RABGAP1: variants seen among roughly 807,000 people sequenced by gnomAD.
RABGAP1 encodes the protein rab GTPase-activating protein 1.
A neutral mutation model predicts 137.6 loss-of-function variants in RABGAP1; 23 were observed. That is an observed-to-expected ratio of 0.17 (90% CI 0.12 to 0.24). The LOEUF (loss-of-function observed/expected upper bound fraction) is 0.24. Among genes scored for constraint, RABGAP1 ranks in the 10% least tolerant of loss-of-function variants. The pLI, the probability that RABGAP1 is intolerant of heterozygous loss-of-function variation, is 1.00. For missense variants in RABGAP1, 906 were observed against 1,275.8 expected (o/e 0.71, Z 4.42); for synonymous variants, 451 against 450.7 (o/e 1.00, Z -0.01).
intron 6 of RABGAP1, among the ~76,000 whole-genome samples, chr9:122,991,343 C>A (rs1002620583): frequency 1.3e-4 from 20 of 152,048 alleles, no homozygotes; most frequent in African/African-American, 4.3e-4. Context: ...CTGTTTCCTC[C>A]ATGACTACCT....
chr9:123,098,057 C>T (rs192323648), intron 22 of RABGAP1, among the ~76,000 whole-genome samples: 148 of 152,244 alleles, frequency 9.7e-4, no homozygotes, highest in African/African-American at 3.2e-3. Context: ...TTTGTTGGGG[C>T]AGGAGAATTT....
At chr9:123,023,698 G>A (rs145428263) in intron 13 of RABGAP1, among the ~76,000 whole-genome samples, 2,196 of 152,044 alleles carry the variant, frequency 0.014, 33 homozygotes, top group South Asian at 0.039. Flanking sequence ...TAGCTATTAT[G>A]AATAAAACTG....
intron 3 of RABGAP1, 112 bp from the exon 4 acceptor site, chr9:122,986,103 A>G: frequency 3.1e-6 from 3 of 954,448 alleles, no homozygotes; most frequent in Non-Finnish European, 4.8e-6. Flanking sequence ...ATATTGTCTC[A>G]TTAATACTTA....
the RABGAP1 span, among the ~76,000 whole-genome samples, chr9:122,932,484 A>C: frequency 6.6e-6 from 1 of 151,832 alleles, no homozygotes; most frequent in Non-Finnish European, 1.5e-5. Context: ...TGTTATTTTC[A>C]TTCATTTCTA....
At chr9:123,056,704 A>G (rs1358249677) in intron 13 of RABGAP1, among the ~76,000 whole-genome samples, 1 of 152,012 alleles carries the variant, frequency 6.6e-6, no homozygotes, top group Non-Finnish European at 1.5e-5. Flanking sequence ...GCTGCCTTCA[A>G]GCATCTGTTT....
rs2034321104 is a variant in RABGAP1, at chr9:123,070,541, A to G, written c.1983+117A>G. The stretch of plus-strand genomic sequence containing the variant: ...GACAGACTCTTAAGGCATGAATTTT[A>G]ACACCTATAGCTGGAAACTTTTTCC... On this transcript the variant is annotated intron_variant, in intron 15 of 25. Coordinates refer to ENST00000373647, the MANE Select transcript of RABGAP1 (RefSeq NM_012197.4). This position sits in a 1 kb window ranked among gnomAD's most constrained non-coding sequence, Gnocchi z 4.4. 20 of 1,501,330 alleles carry G rather than the reference A, an allele frequency of 1.3e-5. No homozygotes were observed. The highest frequency in any genetic ancestry group is 1.8e-5 in the Non-Finnish European group (20 of 1,127,696). The allele number at this position is 1,501,330 out of a possible 1,614,324, so 93.0% of individuals were successfully genotyped here. A position where few individuals can be genotyped will look rare whatever the true frequency, so the allele number is the denominator to read the frequency against.
chr9:123,070,140 G>A lies in RABGAP1; in HGVS notation c.1909-210G>A, dbSNP rs888463854. ...TTTCCTTAATCTTCCCTACTCCTTC[G>A]CCACAGGAAATGCAGTGGTGATAGC... is the stretch of plus-strand genomic sequence containing the variant. On this transcript the variant is annotated intron_variant, in intron 14 of 25. Coordinates refer to ENST00000373647, the MANE Select transcript of RABGAP1 (RefSeq NM_012197.4). The surrounding 1 kb of genome is among the most constrained non-coding windows in gnomAD (Gnocchi z 4.4). 6.6e-6 allele frequency among the ~76,000 whole-genome samples: 1 copy of A among 152,012 alleles called. No individual in the cohort carries two copies. The highest frequency in any genetic ancestry group is 2.4e-5 in the African/African-American group (1 of 41,378).
chr9:123,057,313 G>A (rs1430229530), intron 13 of RABGAP1, among the ~76,000 whole-genome samples: 9 of 144,198 alleles, frequency 6.2e-5, no homozygotes, highest in South Asian at 2.3e-4. Flanking sequence ...GTTGCCGGGC[G>A]GAGGGTCTCC....
At chr9:122,934,021 A>G in the RABGAP1 span, among the ~76,000 whole-genome samples, 1 of 151,706 alleles carries the variant, frequency 6.6e-6, no homozygotes, top group Non-Finnish European at 1.5e-5. Context: ...TTGGTCTCCC[A>G]AAGTACTGCG....
At chr9:122,965,288 A>T (rs1292058729) in intron 2 of RABGAP1, among the ~76,000 whole-genome samples, 1 of 152,182 alleles carries the variant, frequency 6.6e-6, no homozygotes, top group Non-Finnish European at 1.5e-5. Context: ...CTTTAGAGAC[A>T]GAAAATTAGT....
At chr9:122,982,535 C>T (rs889505751) in intron 2 of RABGAP1, among the ~76,000 whole-genome samples, 1 of 152,178 alleles carries the variant, frequency 6.6e-6, no homozygotes, top group African/African-American at 2.4e-5. Flanking sequence ...ATTGCTTCAA[C>T]AGGGAATCTA....
At chr9:123,065,849 G>T (rs2034152785) in intron 14 of RABGAP1, among the ~76,000 whole-genome samples, 1 of 152,182 alleles carries the variant, frequency 6.6e-6, no homozygotes, top group South Asian at 2.1e-4. Context: ...AAGTGTCATT[G>T]CCCATCCAGG....
intron 17 of RABGAP1, among the ~76,000 whole-genome samples, chr9:123,074,865 CTG>C (rs970832023): frequency 6.6e-6 from 1 of 152,168 alleles, no homozygotes; most frequent in African/African-American, 2.4e-5. Flanking sequence ...GGTGCCTCCT[CTG>C]TTTTCAAAAG....
At chr9:122,945,164 A>T (rs1269170864) in intron 1 of RABGAP1, among the ~76,000 whole-genome samples, 12 of 12,872 alleles carry the variant, frequency 9.3e-4, no homozygotes, top group Non-Finnish European at 3.9e-3. Context: ...TTTTTTTTTT[A>T]GCATAAACTG....
rs1338849037 is a variant in RABGAP1 at position 122,996,114 on chromosome 9, G to A, written c.997G>A (p.Val333Met). ...QGIDKKIVIY[V>M]QQTTNKELAI... ...AATTGATAAGAAGATTGTCATCTATGTGCAGCAAACAACTAATAAAGAACT... is the reference window on the plus strand; with the variant it reads ...AATTGATAAGAAGATTGTCATCTATATGCAGCAAACAACTAATAAAGAACT... Residue 333 changes from valine to methionine, a missense_variant, in exon 7 of 26, where the codon GTG (valine) becomes ATG (methionine). By Grantham distance (21) the Val-to-Met change is conservative. Coordinates refer to ENST00000373647, the MANE Select transcript of RABGAP1 (RefSeq NM_012197.4). 1.9e-6 allele frequency: 3 copies of A among 1,613,210 alleles called. No homozygotes were observed. Among genetic ancestry groups the A allele is most frequent in the Non-Finnish European group, 2.5e-6 (3 of 1,179,768 alleles).
At chr9:122,993,758 G>A (rs1328546275) in intron 6 of RABGAP1, among the ~76,000 whole-genome samples, 4 of 152,030 alleles carry the variant, frequency 2.6e-5, no homozygotes, top group Non-Finnish European at 5.9e-5. Flanking sequence ...CTGCCTCCCA[G>A]GTTCAAGTGA....
At position 122,990,136 on chromosome 9, in the gene RABGAP1, C is replaced by A; in HGVS notation, c.846C>A (p.Pro282=). The change falls in exon 6 of 26, where the codon CCC becomes CCA. Residue 282 remains proline, a synonymous_variant. Coordinates refer to ENST00000373647, the MANE Select transcript of RABGAP1 (RefSeq NM_012197.4). ...CCCCACTTTCAGCCACTGCTGCACCCCAGACTCCTGACAGTGACATCTTTA... is the reference window on the plus strand; with the variant it reads ...CCCCACTTTCAGCCACTGCTGCACCACAGACTCCTGACAGTGACATCTTTA... ...KQTPLSATAA[P]QTPDSDIFTF... is the part of the protein sequence containing the mutation. 1 of 1,611,630 alleles carries A rather than the reference C, an allele frequency of 6.2e-7. No homozygotes were observed. The highest frequency in any genetic ancestry group is 1.1e-5 in the South Asian group (1 of 90,998).
At chr9:122,973,476 A>C (rs1000903240) in intron 2 of RABGAP1, among the ~76,000 whole-genome samples, 13 of 151,456 alleles carry the variant, frequency 8.6e-5, no homozygotes, top group Admixed American at 2.6e-4. Flanking sequence ...CTCGTGATCC[A>C]CCCGCCTCGG....
intron 10 of RABGAP1, among the ~76,000 whole-genome samples, chr9:123,003,366 C>T (rs929571227): frequency 6.6e-6 from 1 of 152,180 alleles, no homozygotes; most frequent in Non-Finnish European, 1.5e-5. Flanking sequence ...TTAAAAGTCT[C>T]TGCCAGGACA....
Sources: gnomAD v4.1 joint callset for allele counts (sites outside exome capture counted in the v4.1 genomes callset) on GRCh38, gnomAD v4.1.1 for gene constraint, Gnocchi (gnomAD v3.1) non-coding constraint, MANE v1.5 for transcripts, NCBI Gene and HGNC (gene_info 2026-07-23, HGNC 2026-07-21) for gene names.